PLXNB2: variants seen among roughly 807,000 people sequenced by gnomAD.
The protein encoded by PLXNB2 is plexin B2.
PLXNB2 carries 85 observed loss-of-function variants against 202.6 expected under a neutral mutation model. The ratio of observed to expected loss-of-function variants is 0.42; its 90% CI spans 0.35 to 0.50. PLXNB2 has a LOEUF of 0.50. PLXNB2 is among the 20% of genes least tolerant of loss of function. The pLI, the probability that PLXNB2 is intolerant of heterozygous loss-of-function variation, is 0.02. For missense variants in PLXNB2, 2,063 were observed against 2,586.2 expected (o/e 0.80, Z 4.39); for synonymous variants, 1,239 against 1,137.6 (o/e 1.09, Z -1.79).
At position 50,293,534 on chromosome 22, in the gene PLXNB2, C is replaced by T. The variant is rs371960780; in HGVS notation, c.-14+1185G>A. ...GCTCACCCGGCCCAGCTCGCTCACC[C>T]GGCCCAGCTCGGTGGCAGTGGCAGA... On this transcript the variant is annotated intron_variant, in intron 2 of 36. Coordinates refer to ENST00000359337, the MANE Select transcript of PLXNB2 (RefSeq NM_012401.4). 3.2e-3 allele frequency among the ~76,000 whole-genome samples: 492 copies of T among 152,324 alleles called. 5 individuals carry two copies. Among genetic ancestry groups the T allele is most frequent in the Middle Eastern group, 6.8e-3 (2 of 292 alleles).
rs529360289 is a variant in PLXNB2 at position 50,286,979 on chromosome 22, G to A, written c.1762+132C>T. ...CCCCACCACAGGCTTCATTCAGGCT[G>A]GGCCCCCGGAGCAGCCGCGGAGTGT... is the stretch of plus-strand genomic sequence containing the variant. On this transcript the variant is annotated intron_variant, in intron 8 of 36. Transcript: ENST00000359337. 9.9e-6 allele frequency: 9 copies of A among 909,890 alleles called. No individual in the cohort carries two copies. The African/African-American group carries it at 1.2e-4, about 12-fold the overall frequency. 56.4% of individuals were successfully genotyped at this position (909,890 alleles called of 1,614,324 possible). A position where few individuals can be genotyped will look rare whatever the true frequency, so the allele number is the denominator to read the frequency against.
At chr22:50,278,348 T>C (rs1400836901) in intron 30 of PLXNB2, 77 bp from the exon 31 acceptor site, 3 of 1,574,550 alleles carry the variant, frequency 1.9e-6, no homozygotes, top group Non-Finnish European at 2.6e-6. Flanking sequence ...GGTGGCAGGG[T>C]GGGCAGGGGT....
chr22:50,281,431 C>A lies in PLXNB2; in HGVS notation c.3591G>T (p.Pro1197=). 6.2e-7 allele frequency: 1 copy of A among 1,612,228 alleles called. No homozygotes were observed. The highest frequency in any genetic ancestry group is 8.5e-7 in the Non-Finnish European group (1 of 1,179,726). Residue 1197 remains proline, a synonymous_variant, in exon 22 of 37, where the codon CCG becomes CCT. Coordinates refer to ENST00000359337, the MANE Select transcript of PLXNB2 (RefSeq NM_012401.4). ...TGACCAGCGGCAAGATGAGGCTGAG[C>A]GGCACGTCGCTCACCCGTGTGTCGT... ...VEYDTRVSDV[P]LSLILPLVIV...
chr22:50,294,146 G>C (rs756666891), intron 2 of PLXNB2, among the ~76,000 whole-genome samples: 1 of 152,272 alleles, frequency 6.6e-6, no homozygotes, highest in Admixed American at 6.5e-5. Flanking sequence ...TGGAACAGGA[G>C]GGAGGGCGGG....
rs773296052 is a variant in PLXNB2, at chr22:50,282,096, C to T, written c.3118-15G>A. The T allele has an allele frequency of 2.4e-5, 38 of 1,607,990 alleles. 1 individual carries two copies. The South Asian group carries it at 3.7e-4, about 16-fold the overall frequency. ...GTACCCACCACCTGCAGGCAAGTCCCAGCTGTCAGCCCCCGGGCGCAGACC... is the reference window on the plus strand; with the variant it reads ...GTACCCACCACCTGCAGGCAAGTCCTAGCTGTCAGCCCCCGGGCGCAGACC... On this transcript the variant is annotated splice_polypyrimidine_tract_variant and intron_variant, in intron 19 of 36. Transcript: ENST00000359337.
chr22:50,295,005 T>C (rs958933861), intron 1 of PLXNB2, among the ~76,000 whole-genome samples: 1 of 152,222 alleles, frequency 6.6e-6, no homozygotes, highest in Non-Finnish European at 1.5e-5. Flanking sequence ...TAGGTATGGC[T>C]ATTACTTTGC....
rs1471709922 is a variant in PLXNB2, at chr22:50,289,332, A to G, written c.1068+185T>C. Among the ~76,000 whole-genome samples the G allele has an allele frequency of 6.6e-6, 1 of 152,126 alleles. No individual in the cohort carries two copies. The highest frequency in any genetic ancestry group is 6.5e-5 in the Admixed American group (1 of 15,288). On this transcript the variant is annotated intron_variant, in intron 3 of 36. Transcript: ENST00000359337. The surrounding 1 kb of genome is among the most constrained non-coding windows in gnomAD (Gnocchi z 8.0). ...TGTTGTGTTCCCCAGTGCCCGACAC[A>G]GGCCTGGGACTGGCGCCAGCGTGAA... is the stretch of plus-strand genomic sequence containing the variant.
chr22:50,307,244 C>T (rs2147745459), intron 1 of PLXNB2, among the ~76,000 whole-genome samples: 1 of 152,206 alleles, frequency 6.6e-6, no homozygotes, highest in Non-Finnish European at 1.5e-5. Context: ...GCGCACGGAG[C>T]TCGGCGGCTG....
rs2066888973 is a variant in PLXNB2, at chr22:50,291,812, A to C, written c.-13-1215T>G. Among the ~76,000 whole-genome samples, 1 of 152,076 alleles carries C rather than the reference A, an allele frequency of 6.6e-6. No individual in the cohort carries two copies. Among genetic ancestry groups the C allele is most frequent in the African/African-American group, 2.4e-5 (1 of 41,410 alleles). ...CACCATCATCTTCCCTGAGTGCACC[A>C]GTACGGGGGGCTCCCAGGTGTCCAG... On this transcript the variant is annotated intron_variant, in intron 2 of 36. Coordinates refer to ENST00000359337, the MANE Select transcript of PLXNB2 (RefSeq NM_012401.4). This position sits in a 1 kb window ranked among gnomAD's most constrained non-coding sequence, Gnocchi z 4.3.
At position 50,275,026 on chromosome 22, in the gene PLXNB2, A is replaced by C. The variant is rs2147280458; in HGVS notation, c.*678T>G. ...TTGATTTACAATGAACAAGATTTAC[A>C]AAAAGGGGTGGGGTGGTCTTGGAAC... On this transcript the variant is annotated 3_prime_UTR_variant, in exon 37 of 37. Coordinates refer to ENST00000359337, the MANE Select transcript of PLXNB2 (RefSeq NM_012401.4). 5.9e-6 allele frequency: 1 copy of C among 168,158 alleles called. No homozygotes were observed. The highest frequency in any genetic ancestry group is 1.3e-5 in the Non-Finnish European group (1 of 77,980). 10.4% of individuals were successfully genotyped at this position (168,158 alleles called of 1,614,324 possible).
chr22:50,283,525 C>A, intron 15 of PLXNB2, 77 bp downstream of exon 15: 1 of 1,561,336 alleles, frequency 6.4e-7, no homozygotes, highest in Non-Finnish European at 8.7e-7. Flanking sequence ...TCAGCCTCCC[C>A]ACCCACCCAG....
chr22:50,286,316 G>T, intron 8 of PLXNB2, 29 bp from the exon 9 acceptor site: 1 of 1,548,640 alleles, frequency 6.5e-7, no homozygotes, highest in Non-Finnish European at 8.9e-7. Flanking sequence ...GAGGTGTCAA[G>T]GTGGCGGCCG....
Position 50,289,412 on chromosome 22 carries a change from A to G in PLXNB2, c.1068+105T>C. The G allele has an allele frequency of 7.2e-7, 1 of 1,386,610 alleles. No homozygotes were observed. 85.9% of individuals were successfully genotyped at this position (1,386,610 alleles called of 1,614,324 possible). A position where few individuals can be genotyped will look rare whatever the true frequency, so the allele number is the denominator to read the frequency against. On this transcript the variant is annotated intron_variant, in intron 3 of 36. Coordinates refer to ENST00000359337, the MANE Select transcript of PLXNB2 (RefSeq NM_012401.4). This position sits in a 1 kb window ranked among gnomAD's most constrained non-coding sequence, Gnocchi z 8.0. The stretch of plus-strand genomic sequence containing the variant: ...GCAAGCGCCCAGGCTGGCGAGAGCC[A>G]CGGCCACACTGCTCACGTGCACCCT...
chr22:50,295,210 A>T (rs1030247341), intron 1 of PLXNB2, among the ~76,000 whole-genome samples: 3 of 150,614 alleles, frequency 2.0e-5, no homozygotes, highest in Non-Finnish European at 2.9e-5. Flanking sequence ...AGTCCCAGCT[A>T]CTCGGGAGGC....
Position 50,301,954 on chromosome 22 carries a change from G to A in PLXNB2, c.-74+5599C>T, listed in dbSNP as rs1601780164. On this transcript the variant is annotated intron_variant, in intron 1 of 36. Coordinates refer to ENST00000359337, the MANE Select transcript of PLXNB2 (RefSeq NM_012401.4). The stretch of plus-strand genomic sequence containing the variant: ...GGCTGGGTGCTGCCGGAAAAGCCCT[G>A]CCAACAGGGTCTCACCCCAACACCC... Among the ~76,000 whole-genome samples the A allele has an allele frequency of 2.0e-5, 3 of 152,246 alleles. No individual in the cohort carries two copies. The South Asian group carries it at 6.2e-4, about 31-fold the overall frequency.
intron 8 of PLXNB2, among the ~76,000 whole-genome samples, chr22:50,286,820 T>A (rs929234619): frequency 2.6e-5 from 4 of 152,104 alleles, no homozygotes; most frequent in Non-Finnish European, 4.4e-5. Context: ...CGACGGGGCC[T>A]GGCGCCTGGC....
chr22:50,294,788 A>G lies in PLXNB2; in HGVS notation c.-73-10T>C. 2 of 985,188 alleles carry G rather than the reference A, an allele frequency of 2.0e-6. No homozygotes were observed. Among genetic ancestry groups the G allele is most frequent in the Non-Finnish European group, 2.4e-6 (2 of 829,662 alleles). 61.0% of individuals were successfully genotyped at this position (985,188 alleles called of 1,614,324 possible). A position where few individuals can be genotyped will look rare whatever the true frequency, so the allele number is the denominator to read the frequency against. On this transcript the variant is annotated splice_polypyrimidine_tract_variant and intron_variant, in intron 1 of 36. Transcript: ENST00000359337. Reference sequence around the variant, plus strand: ...CCAGCATCGAGATTCTCTAGGAGGCAAAGGAGAGACGCCGGTCACAAGAGG... The same window carrying G: ...CCAGCATCGAGATTCTCTAGGAGGCGAAGGAGAGACGCCGGTCACAAGAGG...
At chr22:50,279,281 A>G (rs1241926837) in intron 27 of PLXNB2, among the ~76,000 whole-genome samples, 2 of 152,236 alleles carry the variant, frequency 1.3e-5, no homozygotes, top group Admixed American at 6.5e-5. Context: ...GCACATGTAC[A>G]GACACAGAAT....
intron 1 of PLXNB2, among the ~76,000 whole-genome samples, chr22:50,298,536 G>A (rs2067441452): frequency 6.6e-6 from 1 of 152,266 alleles, no homozygotes; most frequent in African/African-American, 2.4e-5. Context: ...ACTCCTGCCA[G>A]CCTTGGTTCT....
Sources: gnomAD v4.1 joint callset for allele counts (sites outside exome capture counted in the v4.1 genomes callset) on GRCh38, gnomAD v4.1.1 for gene constraint, Gnocchi (gnomAD v3.1) non-coding constraint, MANE v1.5 for transcripts, NCBI Gene and HGNC (gene_info 2026-07-23, HGNC 2026-07-21) for gene names.